KIF20B: variants seen among roughly 807,000 people sequenced by gnomAD.
KIF20B encodes the protein kinesin family member 20B, also known as kinesin-like protein KIF20B.
A neutral mutation model predicts 232.5 loss-of-function variants in KIF20B; 188 were observed. The ratio of observed to expected loss-of-function variants is 0.81; its 90% confidence interval spans 0.72 to 0.91. The LOEUF is 0.91. Among genes scored for constraint, KIF20B ranks in the 40% least tolerant of loss-of-function variants. KIF20B has a pLI of 0.00. For synonymous variants in KIF20B, 712 were observed against 683.0 expected, an observed-to-expected ratio of 1.04 and a Z score of -0.66; for missense variants, 2,154 against 2,055.9, an observed-to-expected ratio of 1.05 and a Z score of -0.92.
chr10:89,739,640 C>T (rs1841749382), intron 21 of KIF20B, among the ~76,000 whole-genome samples: 1 of 149,814 alleles, frequency 6.7e-6, no homozygotes, highest in Non-Finnish European at 1.5e-5. Flanking sequence ...GTACTTAGAC[C>T]TTCTCTAAAG....
At chr10:89,754,396 A>T in intron 25 of KIF20B, 122 bp from the exon 26 acceptor site, 2 of 484,528 alleles carry the variant, frequency 4.1e-6, no homozygotes, top group Non-Finnish European at 6.8e-6. Flanking sequence ...GTCATTGTTT[A>T]AAGTGAAACA....
chr10:89,764,828 T>G lies in KIF20B; in HGVS notation c.4989+1993T>G, dbSNP rs561483387. On this transcript the variant is annotated intron_variant, in intron 29 of 32. Transcript: ENST00000371728. The stretch of plus-strand genomic sequence containing the variant: ...GTCAGATGAGTAGGTTGCGAAAATT[T>G]TCTCCCATTTTGTAGGTCACCTATT... Among the ~76,000 whole-genome samples, 3 of 152,258 alleles carry G rather than the reference T, an allele frequency of 2.0e-5. No homozygotes were observed. In the South Asian group the frequency reaches 6.2e-4, roughly 32 times the overall value.
intron 1 of KIF20B, among the ~76,000 whole-genome samples, chr10:89,704,871 T>C (rs949103659): frequency 3.3e-5 from 5 of 152,230 alleles, no homozygotes; most frequent in Non-Finnish European, 5.9e-5. Context: ...TAACTGAGTT[T>C]TAACTTTTAA....
intron 14 of KIF20B, 99 bp from the exon 15 acceptor site, chr10:89,724,921 T>C (rs1843146837): frequency 8.2e-7 from 1 of 1,216,690 alleles, no homozygotes; most frequent in Non-Finnish European, 1.2e-6. Context: ...GGACTAAATT[T>C]TCTTTTAATC....
rs765766934 is a variant in KIF20B, at chr10:89,762,821, A to G, written c.4975A>G (p.Asn1659Asp). ...KIPKARKRKS[N>D]EMEEDLVKCE... Reference sequence around the variant, plus strand: ...TCCCAAGGCTCGGAAGAGGAAGAGTAATGAAATGGAGGAGGTAAATACTTA... The same window carrying G: ...TCCCAAGGCTCGGAAGAGGAAGAGTGATGAAATGGAGGAGGTAAATACTTA... Residue 1659 changes from asparagine (N) to aspartate (D), a missense_variant, in exon 29 of 33, where the codon AAT becomes GAT. By Grantham distance (23) the Asn-to-Asp change is conservative (BLOSUM62 1). Transcript: ENST00000371728. The G allele has an allele frequency of 1.2e-6, 2 of 1,607,744 alleles. No homozygotes were observed. Among genetic ancestry groups the G allele is most frequent in the South Asian group, 2.2e-5 (2 of 90,932 alleles).
chr10:89,747,630 G>T (rs184613247), intron 23 of KIF20B, among the ~76,000 whole-genome samples: 1 of 151,454 alleles, frequency 6.6e-6, no homozygotes. Context: ...GTAAACTATC[G>T]CAAGAACAAA....
At position 89,726,335 on chromosome 10, in the gene KIF20B, C is replaced by T; in HGVS notation, c.2044C>T (p.Leu682Phe). ...AGGATTTGAAGATATTATTGATTCTCTTCAAGATAATGTTGCTGATATTAA... is the reference window on the plus strand; with the variant it reads ...AGGATTTGAAGATATTATTGATTCTTTTCAAGATAATGTTGCTGATATTAA... ...YVGFEDIIDS[L>F]QDNVADIKKQ... Residue 682 changes from leucine (L) to phenylalanine (F), a missense_variant, in exon 16 of 33, where the codon CTT (leucine) becomes TTT (phenylalanine). Leu to Phe is a conservative substitution (Grantham distance 22). Transcript: ENST00000371728. The T allele has an allele frequency of 6.4e-7, 1 of 1,551,314 alleles. No homozygotes were observed. Among genetic ancestry groups the T allele is most frequent in the Non-Finnish European group, 8.7e-7 (1 of 1,146,930 alleles).
chr10:89,769,660 T>C (rs1842429428), intron 31 of KIF20B, among the ~76,000 whole-genome samples: 1 of 150,086 alleles, frequency 6.7e-6, no homozygotes, highest in South Asian at 2.1e-4. Flanking sequence ...TATTGATACC[T>C]GTGTATATGT....
At chr10:89,763,381 A>T (rs901091584) in intron 29 of KIF20B, among the ~76,000 whole-genome samples, 2 of 152,202 alleles carry the variant, frequency 1.3e-5, no homozygotes, top group Non-Finnish European at 2.9e-5. Context: ...TAATACATCA[A>T]ATGATGGTGG....
intron 13 of KIF20B, among the ~76,000 whole-genome samples, chr10:89,722,206 C>T (rs779587379): frequency 6.6e-6 from 1 of 152,162 alleles, no homozygotes; most frequent in Non-Finnish European, 1.5e-5. Context: ...ATGTGCCCAG[C>T]CCTTTCTTGA....
At chr10:89,719,178 TA>T (rs1396010599) in intron 12 of KIF20B, among the ~76,000 whole-genome samples, 1 of 152,218 alleles carries the variant, frequency 6.6e-6, no homozygotes, top group Admixed American at 6.5e-5. Context: ...AACCCTCTGC[TA>T]AGATTAATAC....
At chr10:89,727,795 T>C in intron 16 of KIF20B, 61 bp from the exon 17 acceptor site, 2 of 1,371,508 alleles carry the variant, frequency 1.5e-6, no homozygotes, top group Non-Finnish European at 2.0e-6. Context: ...TTCATAGTTA[T>C]TCAGTGATAC....
chr10:89,719,630 A>G lies in KIF20B; in HGVS notation c.1646A>G (p.Glu549Gly). Residue 549 changes from glutamate (E) to glycine (G), a missense_variant, in exon 13 of 33, where the codon GAA becomes GGA. By Grantham distance (98) the Glu-to-Gly change is moderately conservative. Transcript: ENST00000371728. Reference sequence around the variant, plus strand: ...AACGCTGAAGAAACTCAAAATGTGGAAACTAAACTTCTTGATGAAGATCTA... The same window carrying G: ...AACGCTGAAGAAACTCAAAATGTGGGAACTAAACTTCTTGATGAAGATCTA... The part of the protein sequence containing the change: ...LENAEETQNV[E>G]TKLLDEDLDK... 1 of 1,613,212 alleles carries G rather than the reference A, an allele frequency of 6.2e-7. No individual in the cohort carries two copies. The highest frequency in any genetic ancestry group is 8.5e-7 in the Non-Finnish European group (1 of 1,179,398).
At chr10:89,731,597 A>G (rs996093952) in intron 18 of KIF20B, among the ~76,000 whole-genome samples, 3 of 152,208 alleles carry the variant, frequency 2.0e-5, no homozygotes, top group Non-Finnish European at 4.4e-5. Flanking sequence ...CTGGGAGCAG[A>G]AAACCCTCCT....
At position 89,717,556 on chromosome 10, in the gene KIF20B, CT is replaced by C. The variant is rs551267859; in HGVS notation, c.1125-11del. 279 of 1,583,538 alleles carry C rather than the reference CT, an allele frequency of 1.8e-4. 1 individual carries two copies. In the African/African-American group the frequency reaches 2.5e-3, roughly 14 times the overall value. Reference sequence around the variant, plus strand: ...ATTGTTTTGAAGAACTTTTAAAGTACTTTTTTTTTCTTAATTCAGATTATCT... The same window carrying C: ...ATTGTTTTGAAGAACTTTTAAAGTACTTTTTTTTCTTAATTCAGATTATCT... On this transcript the variant is annotated intron_variant, in intron 10 of 32. Coordinates refer to ENST00000371728, the MANE Select transcript of KIF20B (RefSeq NM_001284259.2).
Position 89,737,662 on chromosome 10 carries a change from G to A in KIF20B, c.2821G>A (p.Asp941Asn), listed in dbSNP as rs781525524. The A allele has an allele frequency of 1.2e-6, 2 of 1,612,272 alleles. No individual in the cohort carries two copies. The highest frequency in any genetic ancestry group is 1.7e-6 in the Non-Finnish European group (2 of 1,178,862). The change falls in exon 20 of 33, where the codon GAT becomes AAT. Residue 941 changes from aspartate (D) to asparagine (N), a missense_variant. By Grantham distance (23) the Asp-to-Asn change is conservative. Coordinates refer to ENST00000371728, the MANE Select transcript of KIF20B (RefSeq NM_001284259.2). Reference protein sequence around the residue: ...KEVQQIQSNYDIAIAELHVQK... With the variant: ...KEVQQIQSNYNIAIAELHVQK... ...GGTCCAACAAATTCAGTCAAATTAT[G>A]ATATTGCAATTGCTGAATTACATGT...
intron 19 of KIF20B, among the ~76,000 whole-genome samples, chr10:89,733,980 C>T (rs1378872268): frequency 2.0e-5 from 3 of 151,002 alleles, no homozygotes; most frequent in East Asian, 3.9e-4. Flanking sequence ...TATACAGTAT[C>T]GAAGGCAAAA....
chr10:89,710,888 G>A (rs1842823464), intron 5 of KIF20B, 73 bp from the exon 6 acceptor site: 1 of 1,185,066 alleles, frequency 8.4e-7, no homozygotes, highest in South Asian at 1.5e-5. Context: ...TATAAAAGGA[G>A]CTTTAATAAA....
chr10:89,742,804 A>G (rs1188244300), intron 21 of KIF20B, among the ~76,000 whole-genome samples: 1 of 151,116 alleles, frequency 6.6e-6, no homozygotes, highest in Non-Finnish European at 1.5e-5. Context: ...GGTTCAAGCA[A>G]TTCTTCTGCC....
Sources: gnomAD v4.1 joint callset for allele counts (sites outside exome capture counted in the v4.1 genomes callset) on GRCh38, gnomAD v4.1.1 for gene constraint, MANE v1.5 for transcripts, NCBI Gene and HGNC (gene_info 2026-07-23, HGNC 2026-07-21) for gene names.